Variants in ATG10 observed in about 807,000 individuals in gnomAD.
ATG10 encodes the protein autophagy related 10.
ATG10 carries 30 observed loss-of-function variants against 32.1 expected under a neutral mutation model. The ratio of observed to expected loss-of-function variants is 0.94; its 90% CI spans 0.70 to 1.27. The LOEUF is 1.27. Ranked by LOEUF, ATG10 falls within the 50% of genes most tolerant of loss-of-function variation. The pLI is 0.00. For missense variants in ATG10, 233 were observed against 262.3 expected (o/e 0.89, Z 0.77); for synonymous variants, 87 against 91.5 (o/e 0.95, Z 0.28).
At chr5:82,097,702 T>C (rs1348317107) in intron 3 of ATG10, among the ~76,000 whole-genome samples, 4 of 152,218 alleles carry the variant, frequency 2.6e-5, no homozygotes, top group Admixed American at 2.6e-4. Context: ...GTACAAATAA[T>C]GGGCATATTT....
chr5:82,070,021 A>T (rs1481397394), intron 3 of ATG10, among the ~76,000 whole-genome samples: 1 of 152,202 alleles, frequency 6.6e-6, no homozygotes, highest in Non-Finnish European at 1.5e-5. Flanking sequence ...TAGCAAGTAT[A>T]AGTCTTACGT....
chr5:82,099,704 TATC>T (rs1167770335), intron 3 of ATG10, among the ~76,000 whole-genome samples: 1 of 152,150 alleles, frequency 6.6e-6, no homozygotes, highest in Non-Finnish European at 1.5e-5. Context: ...CTTAATGAAT[TATC>T]ATTAATCATA....
intron 1 of ATG10, among the ~76,000 whole-genome samples, chr5:81,977,421 C>G (rs1760901805): frequency 6.6e-6 from 1 of 152,086 alleles, no homozygotes; most frequent in Non-Finnish European, 1.5e-5. Context: ...TTACCTGGTC[C>G]CTCAGCACTA....
intron 5 of ATG10, among the ~76,000 whole-genome samples, chr5:82,225,899 A>G (rs1285763329): frequency 6.6e-6 from 1 of 152,258 alleles, no homozygotes; most frequent in Non-Finnish European, 1.5e-5. Context: ...ACTTCTAGCT[A>G]TGACTCAGAT....
intron 5 of ATG10, among the ~76,000 whole-genome samples, chr5:82,188,186 T>C (rs1044482409): frequency 2.0e-5 from 3 of 152,206 alleles, no homozygotes; most frequent in African/African-American, 7.2e-5. Context: ...ACCAGGATGC[T>C]GGATTTGGGT....
At chr5:82,098,135 G>A (rs1482004052) in intron 3 of ATG10, among the ~76,000 whole-genome samples, 2 of 151,924 alleles carry the variant, frequency 1.3e-5, no homozygotes, top group Non-Finnish European at 2.9e-5. Context: ...AAAGGTGTTA[G>A]GTACTTTTAA....
At chr5:82,225,806 T>C (rs1746109364) in intron 5 of ATG10, among the ~76,000 whole-genome samples, 1 of 152,206 alleles carries the variant, frequency 6.6e-6, no homozygotes, top group African/African-American at 2.4e-5. Flanking sequence ...ACGGGAATAC[T>C]TGACTCCATT....
At chr5:82,000,972 T>G (rs944787688) in intron 2 of ATG10, among the ~76,000 whole-genome samples, 4 of 152,120 alleles carry the variant, frequency 2.6e-5, no homozygotes, top group African/African-American at 9.7e-5. Context: ...TCAGTAGCAT[T>G]TCTATGCACC....
At chr5:82,120,926 C>T (rs1051856685) in intron 3 of ATG10, among the ~76,000 whole-genome samples, 6 of 152,140 alleles carry the variant, frequency 3.9e-5, no homozygotes, top group African/African-American at 1.4e-4. Context: ...GGAAGATACA[C>T]ATTTATTACG....
chr5:82,080,346 T>A (rs1385761752), intron 3 of ATG10, among the ~76,000 whole-genome samples: 1 of 152,262 alleles, frequency 6.6e-6, no homozygotes, highest in East Asian at 1.9e-4. Context: ...TCTTTTGTTG[T>A]GCAGAAGCTC....
At chr5:82,095,978 C>T (rs1765044620) in intron 3 of ATG10, among the ~76,000 whole-genome samples, 1 of 152,198 alleles carries the variant, frequency 6.6e-6, no homozygotes, top group African/African-American at 2.4e-5. Flanking sequence ...GCTCTGGAGA[C>T]TTCACAGAGG....
intron 3 of ATG10, among the ~76,000 whole-genome samples, chr5:82,119,984 T>TTGTGTGTG (rs5869106): frequency 2.6e-4 from 39 of 148,200 alleles, no homozygotes; most frequent in South Asian, 4.4e-4. Flanking sequence ...CCACCATTTA[T>TTGTGTGTG]TGTGTGTGTG....
chr5:82,224,113 T>C (rs1009910457), intron 5 of ATG10, among the ~76,000 whole-genome samples: 3 of 152,306 alleles, frequency 2.0e-5, no homozygotes, highest in Admixed American at 2.0e-4. Context: ...TTTGTTGTTG[T>C]GTTTGCTGCT....
chr5:82,164,222 T>G (rs1371438690), intron 3 of ATG10, among the ~76,000 whole-genome samples, 177 bp from the exon 4 acceptor site: 3 of 152,218 alleles, frequency 2.0e-5, no homozygotes, highest in Non-Finnish European at 4.4e-5. Flanking sequence ...CTGGTTTTAC[T>G]ATTTACCCAG....
chr5:82,054,756 G>A (rs572531376), intron 2 of ATG10, among the ~76,000 whole-genome samples: 1 of 152,264 alleles, frequency 6.6e-6, no homozygotes, highest in African/African-American at 2.4e-5. Flanking sequence ...GGATCAGGTT[G>A]TTATGTGGGA....
At chr5:82,057,139 G>A (rs1342001183) in intron 2 of ATG10, among the ~76,000 whole-genome samples, 1 of 152,122 alleles carries the variant, frequency 6.6e-6, no homozygotes, top group Non-Finnish European at 1.5e-5. Context: ...GAATGAGTTG[G>A]ATCTAACCAA....
At chr5:82,153,004 G>C (rs1767665860) in intron 3 of ATG10, among the ~76,000 whole-genome samples, 1 of 152,188 alleles carries the variant, frequency 6.6e-6, no homozygotes, top group Non-Finnish European at 1.5e-5. Context: ...AAGTGAATAA[G>C]ACAGGCAAAA....
chr5:82,063,624 C>G (rs1352167349), intron 3 of ATG10, among the ~76,000 whole-genome samples: 1 of 151,980 alleles, frequency 6.6e-6, no homozygotes, highest in East Asian at 1.9e-4. Flanking sequence ...TCCCGAGTAG[C>G]TGGGATTACA....
chr5:82,000,075 C>T (rs941916406), intron 2 of ATG10, among the ~76,000 whole-genome samples: 8 of 152,154 alleles, frequency 5.3e-5, no homozygotes, highest in Non-Finnish European at 8.8e-5. Context: ...CAACAAAATA[C>T]TGGCAAACCA....
Sources: allele counts gnomAD v4.1 joint callset (sites outside exome capture counted in the v4.1 genomes callset), GRCh38; gene constraint gnomAD v4.1.1; transcripts MANE v1.5; gene names NCBI Gene and HGNC (gene_info 2026-07-23, HGNC 2026-07-21).